INF2: variants seen among roughly 807,000 people sequenced by gnomAD.
INF2 encodes the protein inverted formin-2.
A neutral mutation model predicts 123.5 loss-of-function variants in INF2; 43 were observed. The observed-to-expected ratio is 0.35, with a 90% CI of 0.27 to 0.45. INF2 has a LOEUF of 0.45. INF2 is among the 20% of genes least tolerant of loss of function. INF2 has a pLI of 1.00. For missense variants in INF2, 1,453 were observed against 1,682.7 expected, an observed-to-expected ratio of 0.86 and a Z score of 2.39; for synonymous variants, 851 against 745.0, an observed-to-expected ratio of 1.14 and a Z score of -2.32.
At chr14:104,701,277 AG>A in intron 1 of INF2, 79 bp from the exon 2 acceptor site, 2 of 1,444,408 alleles carry the variant, frequency 1.4e-6, no homozygotes, top group Non-Finnish European at 1.9e-6. Context: ...GACCGAGGGA[AG>A]TGGCCCCGCC....
At chr14:104,709,481 C>A in intron 11 of INF2, 98 bp downstream of exon 11, 1 of 1,260,384 alleles carries the variant, frequency 7.9e-7, no homozygotes, top group Non-Finnish European at 1.2e-6. Flanking sequence ...AGAAGGGAGG[C>A]ATCCCAGCCC....
At chr14:104,688,854 G>C (rs932778585), upstream of INF2, among the ~76,000 whole-genome samples, 5 of 152,266 alleles carry the variant, frequency 3.3e-5, no homozygotes, top group East Asian at 9.6e-4. Flanking sequence ...CATCCAACCA[G>C]GCTGGCTTTC....
upstream of INF2, among the ~76,000 whole-genome samples, chr14:104,688,869 C>A (rs534320068): frequency 6.6e-6 from 1 of 152,366 alleles, no homozygotes; most frequent in African/African-American, 2.4e-5. Flanking sequence ...GCTTTCAGAG[C>A]CGACTATGGG....
At position 104,691,439 on chromosome 14, in the gene INF2, T is replaced by C. The variant is rs550944298; in HGVS notation, c.-10+1700T>C. Among the ~76,000 whole-genome samples, 109 of 152,260 alleles carry C rather than the reference T, an allele frequency of 7.2e-4. 5 individuals are homozygous for C. In the South Asian group the frequency reaches 0.022, roughly 31 times the overall value. On this transcript the variant is annotated intron_variant, in intron 1 of 22. Coordinates refer to ENST00000392634, the MANE Select transcript of INF2 (RefSeq NM_022489.4). ...CTGGTGCCTGGAGGTCAAATTTCCC[T>C]GTAGTCAGGAATGAGACCTGACTCC...
upstream of INF2, among the ~76,000 whole-genome samples, chr14:104,688,220 C>T (rs1239062750): frequency 6.6e-6 from 1 of 152,256 alleles, no homozygotes; most frequent in Non-Finnish European, 1.5e-5. Context: ...CAGGCACACC[C>T]GGGGCTGTGG....
Position 104,706,893 on chromosome 14 carries a change from C to T in INF2, c.844-17C>T, listed in dbSNP as rs537757750. On this transcript the variant is annotated splice_polypyrimidine_tract_variant and intron_variant, in intron 6 of 22. Transcript: ENST00000392634. ...AGGGGCCGGCTGCTGACCTGCACCC[C>T]ACACTCGCCCGTCCAGGTGAGCTGC... 1.2e-6 allele frequency: 2 copies of T among 1,602,462 alleles called. No individual in the cohort carries two copies. Among genetic ancestry groups the T allele is most frequent in the South Asian group, 1.1e-5 (1 of 90,892 alleles).
At chr14:104,709,966 G>A in intron 12 of INF2, 122 bp from the exon 13 acceptor site, 1 of 888,400 alleles carries the variant, frequency 1.1e-6, no homozygotes, top group Non-Finnish European at 1.8e-6. Context: ...TGTTGGATGG[G>A]GCAGGCGGTG....
chr14:104,703,729 A>G (rs1007638790), intron 4 of INF2, among the ~76,000 whole-genome samples, 187 bp from the exon 5 acceptor site: 2 of 152,220 alleles, frequency 1.3e-5, no homozygotes, highest in Admixed American at 1.3e-4. Flanking sequence ...TAGCCCTGCC[A>G]GTTCTGGCAG....
In INF2 at chr14:104,703,387, G is replaced by T; in HGVS notation, c.600G>T (p.Val200=). Residue 200 remains valine, a synonymous_variant, in exon 4 of 23, where the codon GTG becomes GTT. Coordinates refer to ENST00000392634, the MANE Select transcript of INF2 (RefSeq NM_022489.4). ...CCTACGTGGTCACCCTGCTTAGCGT[G>T]ATCAACGCCGTCATCTTGGGCCCCG... ...NVPYVVTLLS[V]INAVILGPED... is the part of the protein sequence containing the mutation. 1 of 1,613,000 alleles carries T rather than the reference G, an allele frequency of 6.2e-7. No homozygotes were observed.
rs1328571705 is a variant in INF2, at chr14:104,703,233, G to A, written c.507+13G>A. 1.2e-6 allele frequency: 2 copies of A among 1,613,074 alleles called. No individual in the cohort carries two copies. Among genetic ancestry groups the A allele is most frequent in the South Asian group, 1.1e-5 (1 of 91,084 alleles). ...GGACCACTACAAGGTGGGCGGCAGG[G>A]CCTGGGCCTGGGCACATGGGGCTCC... On this transcript the variant is annotated intron_variant, in intron 3 of 22. Transcript: ENST00000392634.
chr14:104,711,529 C>A, intron 15 of INF2, 100 bp from the exon 16 acceptor site: 1 of 1,073,954 alleles, frequency 9.3e-7, no homozygotes, highest in Non-Finnish European at 1.4e-6. Flanking sequence ...GTTTTCTGGA[C>A]CTTAATTGCT....
At position 104,707,827 on chromosome 14, in the gene INF2, A is replaced by C. The variant is rs1595171594; in HGVS notation, c.1560A>C (p.Pro520=). ...GGGGCCCTCCTCCACCCCCACCTCC[A>C]CTACTGCCCTGCACCTGCAGCCCCC... ...MGWGPPPPPP[P]LLPCTCSPPV... The change falls in exon 8 of 23, where the codon CCA becomes CCC. Residue 520 remains proline (P), a synonymous_variant. Transcript: ENST00000392634. 2.4e-6 allele frequency: 3 copies of C among 1,262,958 alleles called. No individual in the cohort carries two copies. The highest frequency in any genetic ancestry group is 2.2e-5 in the African/African-American group (1 of 45,028). The allele number at this position is 1,262,958 out of a possible 1,614,324, so 78.2% of individuals were successfully genotyped here.
chr14:104,715,236 G>A (rs911553240), intron 21 of INF2, 48 bp from the exon 22 acceptor site: 23 of 1,584,292 alleles, frequency 1.5e-5, no homozygotes, highest in Non-Finnish European at 1.9e-5. Context: ...AGTCAGGGTT[G>A]CTTCTGTGTG....
chr14:104,687,354 G>A (rs1178456577), upstream of INF2, among the ~76,000 whole-genome samples: 3 of 151,956 alleles, frequency 2.0e-5, no homozygotes, highest in Non-Finnish European at 2.9e-5. This position sits in a 1 kb window ranked among gnomAD's most constrained non-coding sequence, Gnocchi z 5.6. Flanking sequence ...TGCTCAAGCC[G>A]GGTTGAACCC....
chr14:104,707,113 A>AT lies in INF2; in HGVS notation c.985+63dup, dbSNP rs1889815595. ...TGGGCAGACACTGAGGTCTTAGACCATGGGGGGGGGAGCCTGCCCTTGGCC... is the reference window on the plus strand; with the variant it reads ...TGGGCAGACACTGAGGTCTTAGACCATTGGGGGGGGGAGCCTGCCCTTGGCC... On this transcript the variant is annotated intron_variant, in intron 7 of 22. Transcript: ENST00000392634. The AT allele has an allele frequency of 4.6e-6, 7 of 1,522,652 alleles. No homozygotes were observed. The Admixed American group carries it at 1.2e-4, about 26-fold the overall frequency. 94.3% of individuals were successfully genotyped at this position (1,522,652 alleles called of 1,614,324 possible). A position where few individuals can be genotyped will look rare whatever the true frequency, so the allele number is the denominator to read the frequency against.
At chr14:104,708,771 C>T in intron 10 of INF2, 39 bp downstream of exon 10, 2 of 1,601,516 alleles carry the variant, frequency 1.2e-6, no homozygotes, top group Non-Finnish European at 1.7e-6. Flanking sequence ...GGCCACGGAG[C>T]CTCGCCTCCA....
intron 1 of INF2, among the ~76,000 whole-genome samples, chr14:104,682,777 C>A (rs939796831): frequency 2.0e-5 from 3 of 152,134 alleles, no homozygotes; most frequent in Non-Finnish European, 4.4e-5. Flanking sequence ...AGGGGAAGGG[C>A]CACCCCAGCA....
intron 20 of INF2, among the ~76,000 whole-genome samples, 168 bp downstream of exon 20, chr14:104,713,774 C>T (rs1342912282): frequency 1.3e-5 from 2 of 152,188 alleles, no homozygotes; most frequent in Non-Finnish European, 2.9e-5. Context: ...GCCGCTCAGC[C>T]CTCATCCCTC....
chr14:104,713,463 A>G lies in INF2; in HGVS notation c.2897A>G (p.Lys966Arg), dbSNP rs879254296. ...TCCTCAGTCAGGAAGGGGCCCGGGA[A>G]GCAGGAGGAGGTGTGTGTCATCGAT... ...DGKPVRKGPG[K>R]QEEVCVIDAL... Residue 966 changes from lysine (K) to arginine (R), a missense_variant, in exon 20 of 23, where the codon AAG becomes AGG. Lys to Arg is a conservative substitution (Grantham distance 26, BLOSUM62 2). Around this residue, in one of 8 missense-constraint regions of INF2, gnomAD observed 212 missense variants for 266.2 expected, o/e 0.80. Transcript: ENST00000392634. The G allele has an allele frequency of 1.9e-6, 3 of 1,611,096 alleles. No homozygotes were observed. Among genetic ancestry groups the G allele is most frequent in the Non-Finnish European group, 2.5e-6 (3 of 1,179,326 alleles).
Sources: gnomAD v4.1 joint callset for allele counts (sites outside exome capture counted in the v4.1 genomes callset) on GRCh38, gnomAD v4.1.1 for gene constraint, gnomAD v4.1.1 regional missense constraint, Gnocchi (gnomAD v3.1) non-coding constraint, MANE v1.5 for transcripts, NCBI Gene and HGNC (gene_info 2026-07-23, HGNC 2026-07-21) for gene names.